NEDD4: variants seen among roughly 807,000 people sequenced by gnomAD.
The protein encoded by NEDD4 is E3 ubiquitin-protein ligase NEDD4.
NEDD4 carries 99 observed loss-of-function variants against 144.9 expected under a neutral mutation model. That is an observed-to-expected ratio of 0.68 (90% CI 0.58 to 0.81). The LOEUF (loss-of-function observed/expected upper bound fraction) is 0.81. NEDD4 is among the 30% of genes least tolerant of loss of function. The pLI is 0.00. For synonymous variants in NEDD4, 318 were observed against 350.6 expected (o/e 0.91, Z 1.04); for missense variants, 985 against 1,065.9 (o/e 0.92, Z 1.06).
At chr15:55,842,295 G>GA (rs1445694512) in intron 18 of NEDD4, 132 bp from the exon 19 acceptor site, 2 of 705,084 alleles carry the variant, frequency 2.8e-6, no homozygotes, top group African/African-American at 1.8e-5. Context: ...TATACTCAGG[G>GA]AAAACACAAC....
chr15:55,938,299 C>T (rs1359082605), intron 4 of NEDD4, among the ~76,000 whole-genome samples: 2 of 152,104 alleles, frequency 1.3e-5, no homozygotes, highest in Admixed American at 6.6e-5. Context: ...GTGGTGGTTG[C>T]GGTGAGCCGA....
intron 5 of NEDD4, among the ~76,000 whole-genome samples, chr15:55,884,150 G>A (rs945996205): frequency 6.6e-6 from 1 of 152,136 alleles, no homozygotes; most frequent in Admixed American, 6.5e-5. Context: ...AAAGTGCTGG[G>A]ATTACAGGCA....
At chr15:55,950,350 C>T (rs567970958) in intron 4 of NEDD4, among the ~76,000 whole-genome samples, 2 of 152,282 alleles carry the variant, frequency 1.3e-5, no homozygotes, top group South Asian at 4.1e-4. Flanking sequence ...GCTTCCTTGC[C>T]CTTAATGTCA....
chr15:55,947,091 G>A (rs143502463), intron 4 of NEDD4, among the ~76,000 whole-genome samples: 20,395 of 151,802 alleles, frequency 0.13, 1,490 homozygotes, highest in East Asian at 0.32. Context: ...CATCACAATT[G>A]AAAGAACTAG....
At chr15:55,916,560 AGT>A (rs759140273) in intron 5 of NEDD4, 8 of 1,614,136 alleles carry the variant, frequency 5.0e-6, no homozygotes, top group Non-Finnish European at 6.8e-6. Flanking sequence ...TGTTGGCTGT[AGT>A]GAAATCTGTA....
At chr15:55,835,831 A>G (rs1189756728) in intron 24 of NEDD4, among the ~76,000 whole-genome samples, 1 of 152,146 alleles carries the variant, frequency 6.6e-6, no homozygotes, top group African/African-American at 2.4e-5. Flanking sequence ...CTTGCTCTAC[A>G]TAGCACTTCC....
At position 55,829,894 on chromosome 15, in the gene NEDD4, A is replaced by T. The variant is rs185383081; in HGVS notation, c.*3T>A. 1.3e-4 allele frequency: 203 copies of T among 1,603,656 alleles called. 1 individual carries two copies. In the Middle Eastern group the frequency reaches 3.0e-3, roughly 24 times the overall value. On this transcript the variant is annotated 3_prime_UTR_variant, in exon 29 of 29. Transcript: ENST00000435532. Reference sequence around the variant, plus strand: ...AAAAACACTACAGATTGTTATTTGTAATCTAATCAACTCCATCAAAGCCCT... The same window carrying T: ...AAAAACACTACAGATTGTTATTTGTTATCTAATCAACTCCATCAAAGCCCT...
chr15:55,916,738 G>A (rs1399351843), intron 5 of NEDD4: 3 of 1,614,044 alleles, frequency 1.9e-6, no homozygotes, highest in Non-Finnish European at 2.5e-6. Context: ...AAGCACATGT[G>A]AACATGGCTA....
intron 5 of NEDD4, among the ~76,000 whole-genome samples, chr15:55,904,714 G>T (rs1276911985): frequency 6.6e-6 from 1 of 152,156 alleles, no homozygotes; most frequent in Non-Finnish European, 1.5e-5. Flanking sequence ...ATACGTTAAG[G>T]AAACCACATT....
intron 2 of NEDD4, chr15:55,952,752 C>G (rs1251351861): frequency 2.0e-5 from 3 of 152,206 alleles, no homozygotes; most frequent in African/African-American, 7.2e-5. Flanking sequence ...TCTCACTGCT[C>G]TCTTTTAGAC....
At chr15:55,938,728 C>T (rs1258141343) in intron 4 of NEDD4, among the ~76,000 whole-genome samples, 9 of 151,706 alleles carry the variant, frequency 5.9e-5, no homozygotes, top group Non-Finnish European at 2.9e-5. Context: ...AGTTGATCTC[C>T]AAACTTCAAA....
At chr15:55,881,879 T>C (rs1194802866) in intron 5 of NEDD4, among the ~76,000 whole-genome samples, 1 of 152,098 alleles carries the variant, frequency 6.6e-6, no homozygotes, top group Non-Finnish European at 1.5e-5. Context: ...GTCTTGTGCA[T>C]TGAAGGATAT....
At chr15:55,950,214 C>G (rs1011990490) in intron 4 of NEDD4, among the ~76,000 whole-genome samples, 5 of 152,008 alleles carry the variant, frequency 3.3e-5, no homozygotes, top group African/African-American at 9.7e-5. Context: ...CTCAAGAATC[C>G]AAAATTTCCA....
intron 5 of NEDD4, chr15:55,905,092 C>CAA (rs59917604): frequency 0.02 from 4,939 of 243,612 alleles, 1 homozygote; most frequent in South Asian, 0.042. Flanking sequence ...AATTCCGTCT[C>CAA]AAAAAAAAAA....
chr15:55,963,821 T>C (rs1447417500), intron 2 of NEDD4, among the ~76,000 whole-genome samples: 1 of 152,232 alleles, frequency 6.6e-6, no homozygotes, highest in African/African-American at 2.4e-5. Flanking sequence ...GGTCTGCCAA[T>C]GATGAATTAT....
chr15:55,885,268 C>A, intron 5 of NEDD4, among the ~76,000 whole-genome samples: 1 of 152,086 alleles, frequency 6.6e-6, no homozygotes, highest in Non-Finnish European at 1.5e-5. Flanking sequence ...GGGATTTCAT[C>A]AATACCAGAC....
chr15:55,954,804 G>T (rs539939073), intron 2 of NEDD4, among the ~76,000 whole-genome samples: 2 of 151,756 alleles, frequency 1.3e-5, no homozygotes, highest in Non-Finnish European at 2.9e-5. Flanking sequence ...GAATACAGGC[G>T]TGAGCCACCG....
chr15:55,913,102 A>C (rs1469035975), intron 5 of NEDD4, among the ~76,000 whole-genome samples: 2 of 152,148 alleles, frequency 1.3e-5, no homozygotes, highest in East Asian at 3.9e-4. Flanking sequence ...GTAGACTCTC[A>C]GTGCTTTAGA....
At chr15:55,917,015 G>T (rs1159626049) in intron 5 of NEDD4, 15 of 1,320,696 alleles carry the variant, frequency 1.1e-5, no homozygotes, top group Non-Finnish European at 1.3e-5. Context: ...GAAAGAAAAA[G>T]ACGACCCATT....
Sources: gnomAD v4.1 joint callset for allele counts (sites outside exome capture counted in the v4.1 genomes callset) on GRCh38, gnomAD v4.1.1 for gene constraint, MANE v1.5 for transcripts, NCBI Gene and HGNC (gene_info 2026-07-23, HGNC 2026-07-21) for gene names.